ASB2: variants seen among roughly 807,000 people sequenced by gnomAD.
ASB2 encodes the protein ankyrin repeat and SOCS box containing 2.
In ASB2, 58 loss-of-function variants were observed where a neutral mutation model predicts 62.4. The observed-to-expected ratio is 0.93, with a 90% CI of 0.75 to 1.16. The LOEUF (loss-of-function observed/expected upper bound fraction) is 1.16, where lower values mean the gene tolerates loss of function less well. ASB2 is among the 50% of genes most tolerant of loss of function. ASB2 has a pLI of 0.00. For synonymous variants in ASB2, 386 were observed against 385.3 expected, an observed-to-expected ratio of 1.00 and a Z score of -0.02; for missense variants, 928 against 887.9, an observed-to-expected ratio of 1.05 and a Z score of -0.57.
chr14:93,961,442 G>A (rs1023119461), intron 2 of ASB2, among the ~76,000 whole-genome samples: 5 of 152,214 alleles, frequency 3.3e-5, no homozygotes, highest in Admixed American at 1.3e-4. Flanking sequence ...CAGACACAGC[G>A]CTTCACTGGA....
In ASB2 at chr14:93,947,341, G is replaced by T; in HGVS notation, c.1052+8C>A. 6.2e-7 allele frequency: 1 copy of T among 1,613,756 alleles called. No individual in the cohort carries two copies. ...AGCTGCCTGGGTGCTGGCGGAGCCT[G>T]GGCTGACCTGTAGTTGCCCTTCTTG... is the stretch of plus-strand genomic sequence containing the variant. On this transcript the variant is annotated splice_region_variant and intron_variant, in intron 7 of 9. Coordinates refer to ENST00000555019, the MANE Select transcript of ASB2 (RefSeq NM_001202429.2).
chr14:93,974,204 C>T (rs1284533764), intron 1 of ASB2: 1 of 152,242 alleles, frequency 6.6e-6, no homozygotes, highest in Non-Finnish European at 1.5e-5. Flanking sequence ...TTTCCTCTCT[C>T]CTTTTTTACT....
chr14:93,958,871 T>C (rs1889313419), intron 2 of ASB2, among the ~76,000 whole-genome samples: 1 of 152,218 alleles, frequency 6.6e-6, no homozygotes, highest in African/African-American at 2.4e-5. Flanking sequence ...ATTGTTAGAA[T>C]GTTTTTAGCA....
At chr14:93,966,800 A>G (rs924295563) in intron 1 of ASB2, among the ~76,000 whole-genome samples, 1 of 152,128 alleles carries the variant, frequency 6.6e-6, no homozygotes, top group Non-Finnish European at 1.5e-5. Context: ...CAATGAACTC[A>G]AAGCCTCAGG....
At chr14:93,947,989 C>A (rs1198217517) in intron 6 of ASB2, among the ~76,000 whole-genome samples, 1 of 38,452 alleles carries the variant, frequency 2.6e-5, no homozygotes. Context: ...AGTGAAACTC[C>A]GCCTGGAAAA....
At chr14:93,947,886 C>G (rs113039751) in intron 6 of ASB2, among the ~76,000 whole-genome samples, 1 of 147,768 alleles carries the variant, frequency 6.8e-6, no homozygotes, top group Non-Finnish European at 1.5e-5. Flanking sequence ...CCCAGCTACT[C>G]GGGAGGCTGA....
At chr14:93,949,405 C>T (rs1391105590) in intron 6 of ASB2, among the ~76,000 whole-genome samples, 4 of 152,202 alleles carry the variant, frequency 2.6e-5, no homozygotes, top group Non-Finnish European at 5.9e-5. Flanking sequence ...ATCTGTTGAC[C>T]AGGGATAATA....
At chr14:93,938,369 A>C (rs997371802) in intron 8 of ASB2, among the ~76,000 whole-genome samples, 1 of 149,008 alleles carries the variant, frequency 6.7e-6, no homozygotes, top group Non-Finnish European at 1.5e-5. Context: ...CCTCCCGAGC[A>C]CCTGGGACTA....
At position 93,934,531 on chromosome 14, in the gene ASB2, A is replaced by T; in HGVS notation, c.*125T>A. The T allele has an allele frequency of 1.1e-6, 1 of 922,224 alleles. No homozygotes were observed. The highest frequency in any genetic ancestry group is 1.6e-5 in the African/African-American group (1 of 61,102). The allele number at this position is 922,224 out of a possible 1,614,324, so 57.1% of individuals were successfully genotyped here. A position where few individuals can be genotyped will look rare whatever the true frequency, so the allele number is the denominator to read the frequency against. On this transcript the variant is annotated 3_prime_UTR_variant, in exon 10 of 10. Transcript: ENST00000555019. ...CCCAGTGAGATCCTGGTAGCTGTCC[A>T]GGCTGAGAGGGAGGCAGCCTGCAGC...
intron 1 of ASB2, among the ~76,000 whole-genome samples, 153 bp from the exon 2 acceptor site, chr14:93,964,765 A>G (rs949072182): frequency 1.1e-5 from 1 of 90,264 alleles, no homozygotes; most frequent in Middle Eastern, 4.1e-3. Flanking sequence ...CTATCCATCT[A>G]TATATCCATC....
intron 7 of ASB2, chr14:93,942,114 T>C (rs1393619578): frequency 4.4e-6 from 2 of 452,842 alleles, no homozygotes; most frequent in African/African-American, 4.0e-5. Flanking sequence ...ATCACTCCTC[T>C]TCCCAGCCCA....
Position 93,939,423 on chromosome 14 carries a change from G to C in ASB2, c.1302C>G (p.Gly434=). ...TGATGACGTCGCGGTTGGGGTCGGC[G>C]CCGTGTTGCAGCAGCAGCTCGGTGG... The part of the protein sequence containing the change: ...VYATELLLQH[G]ADPNRDVISP... Residue 434 remains glycine, a synonymous_variant, in exon 8 of 10, where the codon GGC becomes GGG. Coordinates refer to ENST00000555019, the MANE Select transcript of ASB2 (RefSeq NM_001202429.2). The C allele has an allele frequency of 6.2e-7, 1 of 1,612,798 alleles. No individual in the cohort carries two copies. Among genetic ancestry groups the C allele is most frequent in the Non-Finnish European group, 8.5e-7 (1 of 1,179,828 alleles).
rs1311177876 is a variant in ASB2 at position 93,951,859 on chromosome 14, G to A, written c.635-615C>T. Among the ~76,000 whole-genome samples the A allele has an allele frequency of 2.6e-5, 4 of 152,240 alleles. No individual in the cohort carries two copies. The East Asian group carries it at 7.7e-4, about 29-fold the overall frequency. ...TAGTTCAGGGTAAAATGCACGTTGT[G>A]AGTACAGCTCCTCAAGTCTTTCTTG... On this transcript the variant is annotated intron_variant, in intron 5 of 9. Transcript: ENST00000555019.
At chr14:93,956,645 C>T (rs1404784020) in intron 3 of ASB2, 121 bp downstream of exon 3, 3 of 1,340,456 alleles carry the variant, frequency 2.2e-6, no homozygotes, top group African/African-American at 1.4e-5. Context: ...GCGTGCCTGG[C>T]AGGTGCCTCC....
chr14:93,950,956 G>T (rs1247645282), intron 6 of ASB2, 43 bp downstream of exon 6: 2 of 1,582,164 alleles, frequency 1.3e-6, no homozygotes, highest in Non-Finnish European at 1.7e-6. Context: ...CTTCCCGTGT[G>T]CCCTTTGGGG....
chr14:93,937,457 G>C (rs1423685641), intron 9 of ASB2, among the ~76,000 whole-genome samples: 2 of 152,194 alleles, frequency 1.3e-5, no homozygotes, highest in East Asian at 3.9e-4. Flanking sequence ...ATGTAGCGGA[G>C]AGACTCTGGG....
intron 3 of ASB2, among the ~76,000 whole-genome samples, chr14:93,956,143 C>T (rs1385061156): frequency 6.6e-6 from 1 of 152,130 alleles, no homozygotes; most frequent in Non-Finnish European, 1.5e-5. Context: ...GGTCACTATT[C>T]CAGGGGTACA....
At chr14:93,954,977 A>G (rs979465463) in intron 3 of ASB2, 2 of 448,042 alleles carry the variant, frequency 4.5e-6, no homozygotes, top group South Asian at 3.1e-5. Context: ...TGAAGCCTTC[A>G]CAGTTTAAAA....
At chr14:93,947,248 C>T (rs1227226922) in intron 7 of ASB2, 101 bp downstream of exon 7, 3 of 1,325,032 alleles carry the variant, frequency 2.3e-6, no homozygotes, top group Non-Finnish European at 3.2e-6. Flanking sequence ...CCTCCCTAAT[C>T]CTGTGGGTGG....
Sources: allele counts gnomAD v4.1 joint callset (sites outside exome capture counted in the v4.1 genomes callset), GRCh38; gene constraint gnomAD v4.1.1; transcripts MANE v1.5; gene names NCBI Gene and HGNC (gene_info 2026-07-23, HGNC 2026-07-21).